CACNA1E: variants seen among roughly 807,000 people sequenced by gnomAD.
CACNA1E encodes the protein voltage-dependent R-type calcium channel subunit alpha-1E.
In CACNA1E, 40 loss-of-function variants were observed where a neutral mutation model predicts 259.2. The ratio of observed to expected loss-of-function variants is 0.15; its 90% confidence interval spans 0.12 to 0.20. The LOEUF (loss-of-function observed/expected upper bound fraction) is 0.20, where lower values mean the gene tolerates loss of function less well. CACNA1E is among the 10% of genes least tolerant of loss of function. The pLI, the probability that CACNA1E is intolerant of heterozygous loss-of-function variation, is 1.00. For missense variants in CACNA1E, 1,874 were observed against 3,040.1 expected (o/e 0.62, Z 9.02); for synonymous variants, 1,104 against 1,138.5 (o/e 0.97, Z 0.61).
intron 7 of CACNA1E, among the ~76,000 whole-genome samples, chr1:181,690,035 C>T (rs911265259): frequency 7.9e-5 from 12 of 152,156 alleles, no homozygotes; most frequent in South Asian, 4.2e-4. Flanking sequence ...GTGTTTTAGT[C>T]GTGAAGTCTT....
At chr1:181,581,154 A>T (rs1302891098) in intron 6 of CACNA1E, among the ~76,000 whole-genome samples, 1 of 152,148 alleles carries the variant, frequency 6.6e-6, no homozygotes, top group Non-Finnish European at 1.5e-5. Context: ...AGCCTTAAAA[A>T]ATTTTATCAC....
chr1:181,793,216 G>A (rs969677603), intron 44 of CACNA1E, among the ~76,000 whole-genome samples: 4 of 152,186 alleles, frequency 2.6e-5, no homozygotes, highest in African/African-American at 9.7e-5. Context: ...TAAGGCTTGA[G>A]AAGACGTATT....
At chr1:181,386,881 C>T (rs1038157035) in intron 1 of CACNA1E, among the ~76,000 whole-genome samples, 2 of 152,228 alleles carry the variant, frequency 1.3e-5, no homozygotes, top group Non-Finnish European at 2.9e-5. Context: ...CCCATTTCTC[C>T]TCAATGAGTC....
In CACNA1E at chr1:181,575,765, G is replaced by C. The variant is rs528564776; in HGVS notation, c.513-2001G>C. Among the ~76,000 whole-genome samples, 3 of 152,290 alleles carry C rather than the reference G, an allele frequency of 2.0e-5. No individual in the cohort carries two copies. In the South Asian group the frequency reaches 6.2e-4, roughly 32 times the overall value. ...TGTTTGAAAGACATCATCATGAAAGGAGAGTCTCCCACCTGGGCAGCACAG... is the reference window on the plus strand; with the variant it reads ...TGTTTGAAAGACATCATCATGAAAGCAGAGTCTCCCACCTGGGCAGCACAG... On this transcript the variant is annotated intron_variant, in intron 3 of 47. Transcript: ENST00000367573.
At chr1:181,551,317 G>A (rs1435151170) in intron 3 of CACNA1E, among the ~76,000 whole-genome samples, 2 of 152,188 alleles carry the variant, frequency 1.3e-5, no homozygotes, top group Admixed American at 6.5e-5. Flanking sequence ...GAAGAGCCTC[G>A]CCTAGGCAGT....
chr1:181,483,492 TTC>T (rs1206646172), upstream of CACNA1E: 1 of 346,880 alleles, frequency 2.9e-6, no homozygotes, highest in Non-Finnish European at 5.1e-6. Flanking sequence ...CGCTTTTTTT[TTC>T]TTTTTTCTTT....
chr1:181,723,675 C>T (rs191691496), intron 16 of CACNA1E, among the ~76,000 whole-genome samples: 6 of 152,234 alleles, frequency 3.9e-5, no homozygotes, highest in South Asian at 2.1e-4. Flanking sequence ...GGCTATAATT[C>T]GGGGTTCCCA....
chr1:181,355,049 G>A (rs1653318320), intron 1 of CACNA1E, among the ~76,000 whole-genome samples: 2 of 152,256 alleles, frequency 1.3e-5, no homozygotes, highest in African/African-American at 4.8e-5. Context: ...AGAAAACCCA[G>A]AGAAAGGTGC....
chr1:181,715,236 T>C, intron 8 of CACNA1E, 102 bp from the exon 9 acceptor site: 1 of 715,400 alleles, frequency 1.4e-6, no homozygotes, highest in Non-Finnish European at 2.5e-6. Context: ...AACTCTGCTC[T>C]CTCTCTGTTG....
chr1:181,543,399 G>C (rs1668744502), intron 3 of CACNA1E, among the ~76,000 whole-genome samples: 1 of 152,190 alleles, frequency 6.6e-6, no homozygotes. Flanking sequence ...TGGACTGAAT[G>C]TTCCTGTCCA....
chr1:181,371,035 A>G (rs1334171409), intron 1 of CACNA1E, among the ~76,000 whole-genome samples: 2 of 151,980 alleles, frequency 1.3e-5, no homozygotes, highest in Non-Finnish European at 2.9e-5. Flanking sequence ...GATGTTGAGC[A>G]TTTTTTCATA....
At chr1:181,615,053 A>G (rs77968113) in intron 6 of CACNA1E, among the ~76,000 whole-genome samples, 4,181 of 152,332 alleles carry the variant, frequency 0.027, 210 homozygotes, top group African/African-American at 0.095. Context: ...TTGAATCTAT[A>G]GAATATTGGG....
At chr1:181,479,860 A>C (rs1180112761), upstream of CACNA1E, among the ~76,000 whole-genome samples, 1 of 152,258 alleles carries the variant, frequency 6.6e-6, no homozygotes, top group African/African-American at 2.4e-5. Flanking sequence ...AACGTTGCTG[A>C]AACTCTGCTG....
At chr1:181,787,665 C>T (rs1660960536) in intron 43 of CACNA1E, among the ~76,000 whole-genome samples, 1 of 152,128 alleles carries the variant, frequency 6.6e-6, no homozygotes, top group South Asian at 2.1e-4. Flanking sequence ...ATTACAAGAG[C>T]AATACAGGCA....
At chr1:181,421,370 C>A (rs1467060995) in intron 2 of CACNA1E, among the ~76,000 whole-genome samples, 1 of 152,172 alleles carries the variant, frequency 6.6e-6, no homozygotes, top group Non-Finnish European at 1.5e-5. Context: ...GTGGGGGGTC[C>A]TCAAAATGTT....
chr1:181,427,977 GA>G (rs1359097621), intron 2 of CACNA1E, among the ~76,000 whole-genome samples: 11 of 152,252 alleles, frequency 7.2e-5, no homozygotes, highest in African/African-American at 1.9e-4. Context: ...CAGCATGACT[GA>G]ACCACAGTTT....
At chr1:181,745,351 C>T in intron 25 of CACNA1E, 1 of 483,762 alleles carries the variant, frequency 2.1e-6, no homozygotes. Flanking sequence ...TTTTAATTAA[C>T]AGCATGAAAT....
Position 181,375,064 on chromosome 1 carries a change from C to A in CACNA1E, c.-14-38069C>A, listed in dbSNP as rs562244514. Reference sequence around the variant, plus strand: ...GTACACTATATGCCATAAATGTCTTCTCAGTTATGAAGTGGGCTTCAGTTT... The same window carrying A: ...GTACACTATATGCCATAAATGTCTTATCAGTTATGAAGTGGGCTTCAGTTT... On this transcript the variant is annotated intron_variant, in intron 1 of 11. Coordinates refer to the CACNA1E transcript ENST00000524607. 4.6e-5 allele frequency among the ~76,000 whole-genome samples: 7 copies of A among 152,216 alleles called. No homozygotes were observed. The South Asian group carries it at 1.5e-3, about 32-fold the overall frequency.
At chr1:181,568,465 T>C (rs1650067239) in intron 3 of CACNA1E, among the ~76,000 whole-genome samples, 1 of 152,204 alleles carries the variant, frequency 6.6e-6, no homozygotes, top group South Asian at 2.1e-4. Flanking sequence ...GTGGTTAACC[T>C]GGTGTTCCAT....
Sources: gnomAD v4.1 joint callset for allele counts (sites outside exome capture counted in the v4.1 genomes callset) on GRCh38, gnomAD v4.1.1 for gene constraint, MANE v1.5 for transcripts, NCBI Gene and HGNC (gene_info 2026-07-23, HGNC 2026-07-21) for gene names.